DENND2B: variants seen among roughly 807,000 people sequenced by gnomAD.
The protein encoded by DENND2B is DENN domain containing 2B.
DENND2B carries 32 observed loss-of-function variants against 116.0 expected under a neutral mutation model. That is an observed-to-expected ratio of 0.28 (90% CI 0.21 to 0.37). The LOEUF is 0.37. Among genes scored for constraint, DENND2B ranks in the 10% least tolerant of loss-of-function variants. The pLI, the probability that DENND2B is intolerant of heterozygous loss-of-function variation, is 1.00. For synonymous variants in DENND2B, 588 were observed against 583.9 expected (o/e 1.01, Z -0.10); for missense variants, 1,276 against 1,477.7 (o/e 0.86, Z 2.24).
chr11:8,698,492 C>T (rs574597760), intron 16 of DENND2B, among the ~76,000 whole-genome samples: 7 of 152,316 alleles, frequency 4.6e-5, no homozygotes, highest in South Asian at 2.1e-4. Context: ...AGGATTTCCA[C>T]GACTAACAAA....
intron 1 of DENND2B, among the ~76,000 whole-genome samples, chr11:8,783,266 C>T (rs1247259665): frequency 6.6e-6 from 1 of 152,108 alleles, no homozygotes; most frequent in Non-Finnish European, 1.5e-5. Context: ...GTTGCCCAGG[C>T]TGGTCTCAAA....
chr11:8,895,598 A>G (rs1227591826), intron 1 of DENND2B: 2 of 152,192 alleles, frequency 1.3e-5, no homozygotes, highest in Non-Finnish European at 2.9e-5. Context: ...GTAGGGAAGA[A>G]TAGACAATTA....
chr11:8,766,628 C>A (rs573197181), intron 1 of DENND2B: 18 of 1,289,064 alleles, frequency 1.4e-5, no homozygotes, highest in Admixed American at 2.3e-5. Context: ...AAGATCTGCA[C>A]GAAAATACCT....
chr11:8,758,011 T>C (rs1477275054), intron 1 of DENND2B, among the ~76,000 whole-genome samples: 1 of 152,222 alleles, frequency 6.6e-6, no homozygotes, highest in South Asian at 2.1e-4. Flanking sequence ...TCTCACTCCA[T>C]TGTCCACTTA....
At chr11:8,873,247 C>T (rs1033510861), upstream of DENND2B, among the ~76,000 whole-genome samples, 1 of 152,188 alleles carries the variant, frequency 6.6e-6, no homozygotes, top group Non-Finnish European at 1.5e-5. Context: ...TAATCAGACC[C>T]AGGACAATAA....
intron 1 of DENND2B, among the ~76,000 whole-genome samples, chr11:8,894,390 T>C (rs181717618): frequency 0.34 from 51,381 of 151,748 alleles, 10,393 homozygotes; most frequent in Non-Finnish European, 0.44. Context: ...AAGCGAAAAT[T>C]GACAAATGGG....
intron 4 of DENND2B, among the ~76,000 whole-genome samples, chr11:8,827,983 G>A (rs1282520059): frequency 6.6e-6 from 1 of 152,174 alleles, no homozygotes; most frequent in Non-Finnish European, 1.5e-5. Flanking sequence ...GGGAACGGGG[G>A]TGGACTGTGG....
chr11:8,790,291 A>G (rs542177543), intron 1 of DENND2B, among the ~76,000 whole-genome samples: 1 of 152,202 alleles, frequency 6.6e-6, no homozygotes. Flanking sequence ...CCTCCCAGTG[A>G]AACATCTAGG....
At chr11:8,858,534 G>T (rs149758259) in intron 2 of DENND2B, among the ~76,000 whole-genome samples, 1 of 152,266 alleles carries the variant, frequency 6.6e-6, no homozygotes, top group Non-Finnish European at 1.5e-5. Context: ...AAGGCCATGA[G>T]ACAGAAGAGA....
At chr11:8,755,659 T>C (rs2053480719) in intron 1 of DENND2B, among the ~76,000 whole-genome samples, 1 of 152,334 alleles carries the variant, frequency 6.6e-6, no homozygotes, top group East Asian at 1.9e-4. Flanking sequence ...AGCTAACTTT[T>C]TTCTTTTTGG....
intron 2 of DENND2B, among the ~76,000 whole-genome samples, chr11:8,745,013 G>T (rs1565820195): frequency 6.6e-6 from 1 of 151,686 alleles, no homozygotes; most frequent in East Asian, 1.9e-4. Context: ...CATCTCCCAG[G>T]CTCAAGAATC....
In DENND2B at chr11:8,710,917, G is replaced by A; in HGVS notation, c.2283-3C>T. 18 of 1,614,048 alleles carry A rather than the reference G, an allele frequency of 1.1e-5. No individual in the cohort carries two copies. Among genetic ancestry groups the A allele is most frequent in the Non-Finnish European group, 1.5e-5 (18 of 1,179,990 alleles). On this transcript the variant is annotated splice_polypyrimidine_tract_variant and splice_region_variant and intron_variant, in intron 10 of 19. Coordinates refer to ENST00000313726, the MANE Select transcript of DENND2B (RefSeq NM_213618.2). ...TCAGCATGAAAGAAAAGGTCTCACTGGAACAAAGAGAGGTCTGGCATCAGG... is the reference window on the plus strand; with the variant it reads ...TCAGCATGAAAGAAAAGGTCTCACTAGAACAAAGAGAGGTCTGGCATCAGG...
At chr11:8,793,205 G>T (rs1324334640) in intron 1 of DENND2B, among the ~76,000 whole-genome samples, 1 of 152,252 alleles carries the variant, frequency 6.6e-6, no homozygotes, top group Admixed American at 6.5e-5. Flanking sequence ...TTGCAGTAAA[G>T]TATATAAAAT....
Position 8,781,228 on chromosome 11 carries a change from G to A in DENND2B, c.-26+29289C>T, listed in dbSNP as rs140721816. On this transcript the variant is annotated intron_variant, in intron 1 of 19. Transcript: ENST00000313726. ...GGACATATGAAGAAGGTTGTTAACA[G>A]TTAGCCTGAAGTCAATAGGCAGGTA... 5.4e-3 allele frequency among the ~76,000 whole-genome samples: 827 copies of A among 152,308 alleles called. 11 individuals carry two copies. Among genetic ancestry groups the A allele is most frequent in the African/African-American group, 0.019 (771 of 41,570 alleles).
intron 2 of DENND2B, among the ~76,000 whole-genome samples, chr11:8,748,595 C>CTT (rs2051740632): frequency 1.3e-5 from 2 of 150,616 alleles, no homozygotes; most frequent in African/African-American, 5.0e-5. Flanking sequence ...AACTTCACAC[C>CTT]AAAAGCCAGG....
At chr11:8,696,345 A>C in intron 18 of DENND2B, 82 bp downstream of exon 18, 53 of 1,555,448 alleles carry the variant, frequency 3.4e-5, no homozygotes, top group Middle Eastern at 1.7e-4. Flanking sequence ...CTGATGTCCA[A>C]GAGCTTCCAT....
chr11:8,855,277 G>T (rs545556701), intron 3 of DENND2B, among the ~76,000 whole-genome samples: 16 of 151,814 alleles, frequency 1.1e-4, no homozygotes, highest in South Asian at 6.3e-4. Context: ...GGCTCCAGAT[G>T]CCAAGCAAGG....
At chr11:8,710,937 A>G (rs991057610) in intron 10 of DENND2B, 23 bp from the exon 11 acceptor site, 1 of 1,613,702 alleles carries the variant, frequency 6.2e-7, no homozygotes, top group Non-Finnish European at 8.5e-7. Flanking sequence ...GAGGTCTGGC[A>G]TCAGGGAGGT....
chr11:8,708,898 C>A (rs1291980269), intron 11 of DENND2B, among the ~76,000 whole-genome samples: 2 of 151,620 alleles, frequency 1.3e-5, no homozygotes, highest in Non-Finnish European at 2.9e-5. Flanking sequence ...TTGCAGTGAG[C>A]CGAGATCACA....
Sources: allele counts gnomAD v4.1 joint callset (sites outside exome capture counted in the v4.1 genomes callset), GRCh38; gene constraint gnomAD v4.1.1; transcripts MANE v1.5; gene names NCBI Gene and HGNC (gene_info 2026-07-23, HGNC 2026-07-21).